SH3GL2: variants seen among roughly 807,000 people sequenced by gnomAD.
The protein encoded by SH3GL2 is SH3 domain containing GRB2 like 2, endophilin A1.
A neutral mutation model predicts 46.0 loss-of-function variants in SH3GL2; 24 were observed. The ratio of observed to expected loss-of-function variants is 0.52; its 90% CI spans 0.38 to 0.73. The LOEUF (loss-of-function observed/expected upper bound fraction) is 0.73. SH3GL2 is among the 30% of genes least tolerant of loss of function. The pLI, the probability that SH3GL2 is intolerant of heterozygous loss-of-function variation, is 0.00. For synonymous variants in SH3GL2, 196 were observed against 147.1 expected (o/e 1.33, Z -2.40); for missense variants, 413 against 424.2 (o/e 0.97, Z 0.23).
chr9:17,600,680 T>A (rs532760370), intron 1 of SH3GL2, among the ~76,000 whole-genome samples: 1 of 152,360 alleles, frequency 6.6e-6, no homozygotes, highest in East Asian at 1.9e-4. Context: ...TTGAACATGC[T>A]AACTGGTTCA....
At chr9:17,601,467 C>T (rs556932025) in intron 1 of SH3GL2, among the ~76,000 whole-genome samples, 2 of 152,262 alleles carry the variant, frequency 1.3e-5, no homozygotes, top group Middle Eastern at 3.4e-3. Flanking sequence ...TTGTGCGTGC[C>T]TCTGCAGTTT....
intron 2 of SH3GL2, among the ~76,000 whole-genome samples, chr9:17,749,600 A>T (rs1018643952): frequency 2.0e-5 from 3 of 152,240 alleles, no homozygotes; most frequent in African/African-American, 7.2e-5. Flanking sequence ...ACTAAAGGGA[A>T]TAAGCTAGGC....
chr9:17,732,011 A>T (rs1822198886), intron 1 of SH3GL2, among the ~76,000 whole-genome samples: 1 of 152,168 alleles, frequency 6.6e-6, no homozygotes, highest in Non-Finnish European at 1.5e-5. Context: ...ATACTGTGAT[A>T]GGGAAACAAG....
At chr9:17,709,047 C>T (rs772427638) in intron 1 of SH3GL2, among the ~76,000 whole-genome samples, 7 of 151,880 alleles carry the variant, frequency 4.6e-5, no homozygotes, top group African/African-American at 1.7e-4. Context: ...AGTTTATTTC[C>T]TGCTGCCATG....
chr9:17,775,173 GT>G, intron 3 of SH3GL2, among the ~76,000 whole-genome samples: 1 of 151,658 alleles, frequency 6.6e-6, no homozygotes, highest in African/African-American at 2.4e-5. Flanking sequence ...TTTTCTCTCT[GT>G]TTTTTTCTAG....
chr9:17,791,286 A>T lies in SH3GL2; in HGVS notation c.680A>T (p.Lys227Met). The change falls in exon 7 of 9, where the codon AAG becomes ATG. Residue 227 changes from lysine (K) to methionine (M), a missense_variant. Around this residue, in one of 3 missense-constraint regions of SH3GL2, gnomAD observed 248 missense variants for 215.0 expected, o/e 1.15. Transcript: ENST00000380607. ...GTGCAAGCTCAGCTGGAGTACCACA[A>T]GCAGGCAGTCCAGATCCTGCAGCAA... Reference protein sequence around the residue: ...ALVQAQLEYHKQAVQILQQVT... With the variant: ...ALVQAQLEYHMQAVQILQQVT... 6.2e-7 allele frequency: 1 copy of T among 1,613,782 alleles called. No homozygotes were observed. Among genetic ancestry groups the T allele is most frequent in the Middle Eastern group, 1.7e-4 (1 of 6,054 alleles).
At chr9:17,596,462 G>A (rs887131933) in intron 1 of SH3GL2, among the ~76,000 whole-genome samples, 29 of 152,010 alleles carry the variant, frequency 1.9e-4, no homozygotes, top group Admixed American at 5.9e-4. Flanking sequence ...CCTGTAAGAT[G>A]TTCTTGGTAA....
At chr9:17,772,337 G>A (rs1823508789) in intron 3 of SH3GL2, among the ~76,000 whole-genome samples, 1 of 152,008 alleles carries the variant, frequency 6.6e-6, no homozygotes, top group African/African-American at 2.4e-5. Context: ...ATTTTTCATA[G>A]TAAAACATGC....
At chr9:17,740,540 A>C (rs1822496980) in intron 1 of SH3GL2, among the ~76,000 whole-genome samples, 1 of 149,524 alleles carries the variant, frequency 6.7e-6, no homozygotes, top group Non-Finnish European at 1.5e-5. Context: ...GAACTTTTGC[A>C]CAGAGTCAGA....
chr9:17,711,157 A>C (rs16935921), intron 1 of SH3GL2, among the ~76,000 whole-genome samples: 17,299 of 151,834 alleles, frequency 0.11, 3,287 homozygotes, highest in African/African-American at 0.39. Context: ...GATGCCTGAC[A>C]CAGTAACTCC....
intron 3 of SH3GL2, among the ~76,000 whole-genome samples, chr9:17,778,873 T>G (rs1205889942): frequency 6.6e-6 from 1 of 152,132 alleles, no homozygotes; most frequent in Non-Finnish European, 1.5e-5. Flanking sequence ...TGAATGGAGT[T>G]GTATTCATTA....
rs200690854 is a variant in SH3GL2, at chr9:17,623,007, T to G, written c.45+43720T>G. Reference sequence around the variant, plus strand: ...TTTCGTTTCCTTTCCTTTCCTTTCCTTTCCTTTCCTTTCCTTTCCTTTCCT... The same window carrying G: ...TTTCGTTTCCTTTCCTTTCCTTTCCGTTCCTTTCCTTTCCTTTCCTTTCCT... On this transcript the variant is annotated intron_variant, in intron 1 of 8. Transcript: ENST00000380607. Among the ~76,000 whole-genome samples the G allele has an allele frequency of 9.1e-3, 888 of 97,388 alleles. 12 individuals are homozygous for G. Among genetic ancestry groups the G allele is most frequent in the African/African-American group, 0.033 (801 of 24,108 alleles). 63.9% of individuals were successfully genotyped at this position (97,388 alleles called of 152,430 possible).
chr9:17,687,668 A>G lies in SH3GL2; in HGVS notation c.46-59398A>G, dbSNP rs371474089. On this transcript the variant is annotated intron_variant, in intron 1 of 8. Transcript: ENST00000380607. ...CTGAAAATCATGTTCCCTATAGAAA[A>G]TAATGGTATTTCTTTGTCCTGGTGA... Among the ~76,000 whole-genome samples, 32 of 152,238 alleles carry G rather than the reference A, an allele frequency of 2.1e-4. No individual in the cohort carries two copies. In the Middle Eastern group the frequency reaches 0.01, roughly 49 times the overall value.
In SH3GL2 at chr9:17,796,012, C is replaced by T. The variant is rs879218617; in HGVS notation, c.*269C>T. 4 of 424,682 alleles carry T rather than the reference C, an allele frequency of 9.4e-6. No homozygotes were observed. The highest frequency in any genetic ancestry group is 1.1e-4 in the South Asian group (2 of 18,466). 26.3% of individuals were successfully genotyped at this position (424,682 alleles called of 1,614,324 possible). A position where few individuals can be genotyped will look rare whatever the true frequency, so the allele number is the denominator to read the frequency against. On this transcript the variant is annotated 3_prime_UTR_variant, in exon 9 of 9. Transcript: ENST00000380607. Reference sequence around the variant, plus strand: ...ACAGAACTGCTGTTTACACAGTTCTCAGGAGGCTGTGGTTTCTTAGAATAT... The same window carrying T: ...ACAGAACTGCTGTTTACACAGTTCTTAGGAGGCTGTGGTTTCTTAGAATAT...
intron 3 of SH3GL2, among the ~76,000 whole-genome samples, chr9:17,775,665 T>A (rs1823621607): frequency 6.6e-6 from 1 of 152,204 alleles, no homozygotes; most frequent in South Asian, 2.1e-4. Context: ...GAGGCTTGGT[T>A]TCTATAAGAC....
intron 1 of SH3GL2, among the ~76,000 whole-genome samples, chr9:17,707,134 G>C (rs16923323): frequency 0.033 from 5,065 of 152,070 alleles, 219 homozygotes; most frequent in East Asian, 0.1. Flanking sequence ...GCAAATTTCT[G>C]TATCCTGACT....
intron 1 of SH3GL2, among the ~76,000 whole-genome samples, chr9:17,699,007 TA>T (rs1455882951): frequency 4.0e-5 from 6 of 151,810 alleles, no homozygotes; most frequent in Non-Finnish European, 1.5e-5. Context: ...TACAAAAAAC[TA>T]GCCAGGCATG....
intron 1 of SH3GL2, among the ~76,000 whole-genome samples, chr9:17,698,789 G>T (rs541358148): frequency 6.6e-6 from 1 of 152,176 alleles, no homozygotes; most frequent in African/African-American, 2.4e-5. Flanking sequence ...TTGAAGGGAA[G>T]TAAGGTGTTT....
intron 1 of SH3GL2, among the ~76,000 whole-genome samples, chr9:17,715,780 A>G (rs1313513885): frequency 2.6e-5 from 4 of 152,008 alleles, no homozygotes; most frequent in Non-Finnish European, 4.4e-5. Context: ...CATTTCATAC[A>G]CCTAATATAC....
Sources: gnomAD v4.1 joint callset for allele counts (sites outside exome capture counted in the v4.1 genomes callset) on GRCh38, gnomAD v4.1.1 for gene constraint, gnomAD v4.1.1 regional missense constraint, MANE v1.5 for transcripts, NCBI Gene and HGNC (gene_info 2026-07-23, HGNC 2026-07-21) for gene names.